Variants in GRIN2A observed in about 807,000 individuals in gnomAD.
GRIN2A encodes glutamate receptor ionotropic, NMDA 2A.
Under a neutral mutation model 113.4 loss-of-function variants are expected in GRIN2A, and 22 were observed. The ratio of observed to expected loss-of-function variants is 0.19; its 90% confidence interval spans 0.14 to 0.28. The LOEUF is 0.28. GRIN2A is among the 10% of genes least tolerant of loss of function. The pLI is 1.00. For missense variants in GRIN2A, 1,502 were observed against 1,887.0 expected (o/e 0.80, Z 3.78); for synonymous variants, 827 against 738.4 (o/e 1.12, Z -1.94).
At chr16:9,962,176 C>T (rs551071112) in intron 2 of GRIN2A, among the ~76,000 whole-genome samples, 5 of 152,276 alleles carry the variant, frequency 3.3e-5, no homozygotes, top group African/African-American at 7.2e-5. Context: ...AAAACCTAGG[C>T]AATACCATTC....
At chr16:9,905,064 T>G (rs1798227613) in intron 3 of GRIN2A, among the ~76,000 whole-genome samples, 1 of 152,226 alleles carries the variant, frequency 6.6e-6, no homozygotes, top group African/African-American at 2.4e-5. Context: ...ATAGAAAGGC[T>G]TCAAATCTAC....
intron 2 of GRIN2A, among the ~76,000 whole-genome samples, chr16:10,053,083 TA>T (rs2047386846): frequency 6.7e-6 from 1 of 148,808 alleles, no homozygotes; most frequent in African/African-American, 2.5e-5. Flanking sequence ...TGAGTCTGAG[TA>T]AAACTTGGGA....
At chr16:10,176,160 C>A (rs2050143598) in intron 2 of GRIN2A, among the ~76,000 whole-genome samples, 1 of 151,956 alleles carries the variant, frequency 6.6e-6, no homozygotes, top group Admixed American at 6.6e-5. Context: ...GGCCTGCCAC[C>A]ACATCCAGCT....
intron 2 of GRIN2A, among the ~76,000 whole-genome samples, chr16:10,121,751 G>C (rs577548248): frequency 6.6e-6 from 1 of 152,236 alleles, no homozygotes; most frequent in South Asian, 2.1e-4. Flanking sequence ...TCATAGCAAA[G>C]CATACAGGCA....
chr16:9,962,067 A>C (rs2045453932), intron 2 of GRIN2A, among the ~76,000 whole-genome samples: 1 of 152,242 alleles, frequency 6.6e-6, no homozygotes, highest in South Asian at 2.1e-4. Flanking sequence ...ATATGTAGAA[A>C]GCTGAAACTG....
At chr16:10,094,401 T>A (rs1244995217) in intron 2 of GRIN2A, among the ~76,000 whole-genome samples, 1 of 152,198 alleles carries the variant, frequency 6.6e-6, no homozygotes, top group African/African-American at 2.4e-5. Flanking sequence ...AGGGGATTTT[T>A]TTAGAACTCT....
chr16:9,806,995 T>A (rs1050488963), intron 10 of GRIN2A, among the ~76,000 whole-genome samples: 7 of 151,350 alleles, frequency 4.6e-5, no homozygotes, highest in Admixed American at 1.3e-4. Flanking sequence ...ATATGATTGT[T>A]TTAGAAGAGT....
chr16:10,039,812 A>C (rs2047115811), intron 2 of GRIN2A, among the ~76,000 whole-genome samples: 1 of 75,770 alleles, frequency 1.3e-5, no homozygotes. Context: ...GGGGGGGGAG[A>C]AAGAGAGAGA....
At chr16:9,800,141 A>G (rs1184429510) in intron 10 of GRIN2A, among the ~76,000 whole-genome samples, 1 of 151,962 alleles carries the variant, frequency 6.6e-6, no homozygotes, top group Non-Finnish European at 1.5e-5. Context: ...CTCCCGGCTA[A>G]TTTTTATATT....
At chr16:9,981,188 GT>G (rs908935282) in intron 2 of GRIN2A, among the ~76,000 whole-genome samples, 56 of 152,258 alleles carry the variant, frequency 3.7e-4, no homozygotes, top group African/African-American at 1.3e-3. Flanking sequence ...CATCCATGCT[GT>G]TTGTTGTTCA....
At chr16:10,162,709 A>G (rs150800718) in intron 2 of GRIN2A, among the ~76,000 whole-genome samples, 148 of 152,344 alleles carry the variant, frequency 9.7e-4, no homozygotes, top group African/African-American at 3.2e-3. Flanking sequence ...AAAGTGTCAC[A>G]TTCAGAGATA....
intron 2 of GRIN2A, among the ~76,000 whole-genome samples, chr16:10,093,134 G>A (rs1596497293): frequency 6.6e-6 from 1 of 152,070 alleles, no homozygotes; most frequent in African/African-American, 2.4e-5. Context: ...CCCCACGCCC[G>A]GCCAACCTTT....
rs546327905 is a variant in GRIN2A at position 10,162,186 on chromosome 16, C to T, written c.414+17812G>A. Among the ~76,000 whole-genome samples, 23 of 152,226 alleles carry T rather than the reference C, an allele frequency of 1.5e-4. 1 individual carries two copies. Among genetic ancestry groups the T allele is most frequent in the Admixed American group, 1.3e-4 (2 of 15,294 alleles). On this transcript the variant is annotated intron_variant, in intron 2 of 12. Transcript: ENST00000330684. ...AAGGGTTTTAGGAAGGATTCTAAGACAGGGACTCAGTTCCTCAAAGCAGGA... is the reference window on the plus strand; with the variant it reads ...AAGGGTTTTAGGAAGGATTCTAAGATAGGGACTCAGTTCCTCAAAGCAGGA...
intron 2 of GRIN2A, among the ~76,000 whole-genome samples, chr16:10,043,397 G>A (rs2047199651): frequency 6.6e-6 from 1 of 152,102 alleles, no homozygotes; most frequent in African/African-American, 2.4e-5. Context: ...AAGGCAGCCG[G>A]GATCACATCA....
chr16:10,054,194 T>G (rs1397750608), intron 2 of GRIN2A, among the ~76,000 whole-genome samples: 1 of 152,128 alleles, frequency 6.6e-6, no homozygotes, highest in Non-Finnish European at 1.5e-5. Context: ...AATAAAACTA[T>G]AAGCTGATCT....
At chr16:10,043,145 C>A (rs767123298) in intron 2 of GRIN2A, among the ~76,000 whole-genome samples, 14 of 152,170 alleles carry the variant, frequency 9.2e-5, no homozygotes, top group Non-Finnish European at 1.3e-4. Context: ...ATCTTAGACA[C>A]TTTTTACAGA....
intron 11 of GRIN2A, 37 bp from the exon 12 acceptor site, chr16:9,769,126 A>G: frequency 6.7e-7 from 1 of 1,502,938 alleles, no homozygotes; most frequent in South Asian, 1.1e-5. Flanking sequence ...AGTGAGGACC[A>G]GAACATGCAC....
intron 2 of GRIN2A, among the ~76,000 whole-genome samples, chr16:9,967,628 C>A (rs897576030): frequency 4.6e-5 from 7 of 152,114 alleles, no homozygotes; most frequent in Non-Finnish European, 1.0e-4. Context: ...ATCGCTTGAA[C>A]CTGGAAGGTG....
intron 3 of GRIN2A, among the ~76,000 whole-genome samples, chr16:9,928,958 T>C (rs190679770): frequency 6.6e-6 from 1 of 152,330 alleles, no homozygotes; most frequent in Non-Finnish European, 1.5e-5. Context: ...ATGTCTATCA[T>C]GGAGCAAACA....
Sources: allele counts gnomAD v4.1 joint callset (sites outside exome capture counted in the v4.1 genomes callset), GRCh38; gene constraint gnomAD v4.1.1; transcripts MANE v1.5; gene names NCBI Gene and HGNC (gene_info 2026-07-23, HGNC 2026-07-21).